Variants in HHAT observed in about 807,000 individuals in gnomAD.
The protein encoded by HHAT is hedgehog acyltransferase, also known as protein-cysteine N-palmitoyltransferase HHAT.
A neutral mutation model predicts 70.8 loss-of-function variants in HHAT; 47 were observed. The ratio of observed to expected loss-of-function variants is 0.66; its 90% CI spans 0.53 to 0.85. HHAT has a LOEUF of 0.85. Ranked by LOEUF, HHAT falls within the 40% of genes least tolerant of loss-of-function variation. The pLI is 0.00. For missense variants in HHAT, 609 were observed against 604.8 expected, an observed-to-expected ratio of 1.01 and a Z score of -0.07; for synonymous variants, 228 against 247.6, an observed-to-expected ratio of 0.92 and a Z score of 0.74.
chr1:210,472,386 G>A (rs767235685), intron 8 of HHAT, among the ~76,000 whole-genome samples: 5 of 152,162 alleles, frequency 3.3e-5, no homozygotes, highest in East Asian at 1.9e-4. Flanking sequence ...GTGGAGCTGC[G>A]ATTTGAATCC....
At chr1:210,350,968 ATTAG>A (rs1481517396) in intron 2 of HHAT, among the ~76,000 whole-genome samples, 2 of 152,152 alleles carry the variant, frequency 1.3e-5, no homozygotes, top group Admixed American at 1.3e-4. Flanking sequence ...GAATGACTGT[ATTAG>A]TTAGGGTTCT....
At chr1:210,386,300 G>A (rs2091064833) in intron 3 of HHAT, among the ~76,000 whole-genome samples, 1 of 134,970 alleles carries the variant, frequency 7.4e-6, no homozygotes, top group South Asian at 2.5e-4. Flanking sequence ...GTGCAGTGGC[G>A]GGATTTCGGC....
At chr1:210,564,378 G>A (rs753060384) in intron 9 of HHAT, among the ~76,000 whole-genome samples, 7 of 152,202 alleles carry the variant, frequency 4.6e-5, no homozygotes, top group Non-Finnish European at 7.3e-5. Flanking sequence ...TAAGTAGCCT[G>A]AGAGGGAGCA....
chr1:210,646,578 GTTTC>G (rs984359565), intron 11 of HHAT, among the ~76,000 whole-genome samples: 1 of 152,144 alleles, frequency 6.6e-6, no homozygotes, highest in Non-Finnish European at 1.5e-5. Context: ...GAAAAACTGT[GTTTC>G]TTTTGCCAAT....
chr1:210,587,573 T>G (rs1418635938), intron 9 of HHAT, among the ~76,000 whole-genome samples: 1 of 152,182 alleles, frequency 6.6e-6, no homozygotes, highest in South Asian at 2.1e-4. Flanking sequence ...TGCCATTCTG[T>G]GATTGGATTT....
chr1:210,660,823 C>T (rs950564127), intron 11 of HHAT, among the ~76,000 whole-genome samples: 6 of 152,166 alleles, frequency 3.9e-5, no homozygotes, highest in Middle Eastern at 3.4e-3. Flanking sequence ...GAAAGGATTC[C>T]CTATTTAATA....
At chr1:210,598,351 G>A (rs1421545367) in intron 10 of HHAT, among the ~76,000 whole-genome samples, 5 of 152,044 alleles carry the variant, frequency 3.3e-5, no homozygotes. Context: ...GACTCACTAG[G>A]TCACGTGTCC....
chr1:210,481,563 G>A lies in HHAT; in HGVS notation c.1007+16908G>A, dbSNP rs76930478. 5.3e-4 allele frequency among the ~76,000 whole-genome samples: 81 copies of A among 152,278 alleles called. 2 individuals carry two copies. In the East Asian group the frequency reaches 0.015, roughly 29 times the overall value. On this transcript the variant is annotated intron_variant, in intron 8 of 11. Coordinates refer to ENST00000261458, the MANE Select transcript of HHAT (RefSeq NM_018194.6). The stretch of plus-strand genomic sequence containing the variant: ...CAAGGCACTAAATAGGTGGTAGAAA[G>A]GATACTCCTAGTATGAGAGCTAAAG...
chr1:210,623,713 T>C lies in HHAT; in HGVS notation c.1390+43T>C, dbSNP rs763642145. ...GCTGTTTTCAGTCAGTTTCTTGTTTTCCATGTATGCGGATGGGATCATACA... is the reference window on the plus strand; with the variant it reads ...GCTGTTTTCAGTCAGTTTCTTGTTTCCCATGTATGCGGATGGGATCATACA... On this transcript the variant is annotated intron_variant, in intron 11 of 11. Coordinates refer to ENST00000261458, the MANE Select transcript of HHAT (RefSeq NM_018194.6). The C allele has an allele frequency of 5.0e-6, 8 of 1,597,310 alleles. No homozygotes were observed. In the South Asian group the frequency reaches 6.7e-5, roughly 13 times the overall value.
At chr1:210,546,007 T>G (rs1056029237) in intron 9 of HHAT, among the ~76,000 whole-genome samples, 3 of 152,206 alleles carry the variant, frequency 2.0e-5, no homozygotes, top group African/African-American at 7.2e-5. Context: ...GGAAGGGCAT[T>G]TACTTTGTTC....
At chr1:210,335,815 C>T (rs897691594) in intron 1 of HHAT, among the ~76,000 whole-genome samples, 2 of 152,118 alleles carry the variant, frequency 1.3e-5, no homozygotes, top group African/African-American at 2.4e-5. Context: ...TAAAACAAAG[C>T]ACCTGGAAGA....
At chr1:210,647,262 G>C (rs1428731950) in intron 11 of HHAT, among the ~76,000 whole-genome samples, 2 of 152,064 alleles carry the variant, frequency 1.3e-5, no homozygotes, top group Non-Finnish European at 2.9e-5. Context: ...TAGTTTTAGG[G>C]CCTATCTTCA....
intron 9 of HHAT, among the ~76,000 whole-genome samples, chr1:210,558,449 T>C (rs753363737): frequency 2.0e-5 from 3 of 152,232 alleles, no homozygotes; most frequent in Non-Finnish European, 2.9e-5. Context: ...TAAGAGCAGA[T>C]GCTGGCCGCC....
In HHAT at chr1:210,464,674, T is replaced by G. The variant is rs2094059519; in HGVS notation, c.1007+19T>G. 6.2e-7 allele frequency: 1 copy of G among 1,613,738 alleles called. No individual in the cohort carries two copies. The highest frequency in any genetic ancestry group is 1.1e-5 in the South Asian group (1 of 91,062). On this transcript the variant is annotated intron_variant, in intron 8 of 11. Coordinates refer to ENST00000261458, the MANE Select transcript of HHAT (RefSeq NM_018194.6). Reference sequence around the variant, plus strand: ...TGTGGAGGTCAGGCGCTGGGATTGCTAAAGTTGGTCAGGCATGTCCAGTGG... The same window carrying G: ...TGTGGAGGTCAGGCGCTGGGATTGCGAAAGTTGGTCAGGCATGTCCAGTGG...
In HHAT at chr1:210,613,800, T is replaced by G. The variant is rs143319733; in HGVS notation, c.1246-9726T>G. ...TGTGAGGCTGAGGTGGGAGGATCAC[T>G]TGAGCCCAGGAGTTTGAGACCTGCC... On this transcript the variant is annotated intron_variant, in intron 10 of 11. Coordinates refer to ENST00000261458, the MANE Select transcript of HHAT (RefSeq NM_018194.6). Among the ~76,000 whole-genome samples, 1,287 of 152,266 alleles carry G rather than the reference T, an allele frequency of 8.5e-3. 31 individuals carry two copies. Among genetic ancestry groups the G allele is most frequent in the African/African-American group, 0.029 (1,196 of 41,550 alleles).
chr1:210,571,547 C>T (rs1558185848), intron 9 of HHAT, among the ~76,000 whole-genome samples: 1 of 152,204 alleles, frequency 6.6e-6, no homozygotes, highest in Non-Finnish European at 1.5e-5. Flanking sequence ...GCCGCCTATA[C>T]TGGAGAGTGA....
chr1:210,461,949 T>C (rs2093987672), intron 7 of HHAT, among the ~76,000 whole-genome samples: 1 of 152,216 alleles, frequency 6.6e-6, no homozygotes, highest in Non-Finnish European at 1.5e-5. Context: ...TCTTTAATTA[T>C]ATTTAGCAGT....
chr1:210,496,970 G>C (rs531936845), intron 8 of HHAT, among the ~76,000 whole-genome samples: 66 of 152,198 alleles, frequency 4.3e-4, no homozygotes, highest in African/African-American at 1.5e-3. Flanking sequence ...CAAATCTGTG[G>C]CCATATTTTA....
At chr1:210,458,091 T>TTTGGAAGCA (rs2093907229) in intron 7 of HHAT, among the ~76,000 whole-genome samples, 1 of 152,148 alleles carries the variant, frequency 6.6e-6, no homozygotes, top group Non-Finnish European at 1.5e-5. Flanking sequence ...AGAAGGTACT[T>TTTGGAAGCA]TTGGAAGCAT....
Sources: gnomAD v4.1 joint callset for allele counts (sites outside exome capture counted in the v4.1 genomes callset) on GRCh38, gnomAD v4.1.1 for gene constraint, MANE v1.5 for transcripts, NCBI Gene and HGNC (gene_info 2026-07-23, HGNC 2026-07-21) for gene names.